The following VPS13C variants were observed in gnomAD, a reference collection of about 807,000 sequenced individuals.
VPS13C encodes intermembrane lipid transfer protein VPS13C.
Under a neutral mutation model 456.8 loss-of-function variants are expected in VPS13C, and 358 were observed. The observed-to-expected ratio is 0.78, with a 90% CI of 0.72 to 0.86. The LOEUF is 0.86. Among genes scored for constraint, VPS13C ranks in the 40% least tolerant of loss-of-function variants. VPS13C has a pLI of 0.00. For missense variants in VPS13C, 4,818 were observed against 4,385.4 expected, an observed-to-expected ratio of 1.10 and a Z score of -2.79; for synonymous variants, 1,578 against 1,486.7, an observed-to-expected ratio of 1.06 and a Z score of -1.41.
At chr15:61,996,097 G>C (rs2046376634) in intron 16 of VPS13C, among the ~76,000 whole-genome samples, 1 of 152,038 alleles carries the variant, frequency 6.6e-6, no homozygotes, top group Admixed American at 6.6e-5. Context: ...CTGGAGAAGG[G>C]GATATCTCTT....
At chr15:61,996,245 G>A (rs1053263847) in intron 16 of VPS13C, among the ~76,000 whole-genome samples, 1 of 152,136 alleles carries the variant, frequency 6.6e-6, no homozygotes, top group Non-Finnish European at 1.5e-5. Flanking sequence ...ACTAACCCCA[G>A]TAATATTCAC....
chr15:62,003,177 T>A (rs527253660), intron 15 of VPS13C, among the ~76,000 whole-genome samples: 1 of 152,136 alleles, frequency 6.6e-6, no homozygotes, highest in East Asian at 1.9e-4. Context: ...CATTTGTTTG[T>A]GTCCTCTTTT....
chr15:61,890,663 G>A (rs543611466), intron 66 of VPS13C, among the ~76,000 whole-genome samples: 1 of 152,290 alleles, frequency 6.6e-6, no homozygotes, highest in Non-Finnish European at 1.5e-5. Context: ...GCACAGAGCA[G>A]GATTCAAGAG....
At chr15:61,908,114 T>G (rs1196944602) in intron 65 of VPS13C, among the ~76,000 whole-genome samples, 1 of 152,152 alleles carries the variant, frequency 6.6e-6, no homozygotes, top group African/African-American at 2.4e-5. Context: ...TTAACAAGAC[T>G]CCCAGGAGAT....
intron 58 of VPS13C, 82 bp from the exon 59 acceptor site, chr15:61,918,339 T>C (rs1472029414): frequency 9.7e-5 from 126 of 1,298,296 alleles, no homozygotes; most frequent in Non-Finnish European, 1.2e-4. Context: ...CAAATACTTT[T>C]AGATCTAAAA....
At chr15:61,940,896 A>G in intron 46 of VPS13C, 102 bp from the exon 47 acceptor site, 1 of 1,189,108 alleles carries the variant, frequency 8.4e-7, no homozygotes. Flanking sequence ...CATAAAGGCT[A>G]AAAGCTGCTA....
intron 66 of VPS13C, among the ~76,000 whole-genome samples, chr15:61,905,047 T>C (rs555356182): frequency 6.6e-6 from 1 of 152,040 alleles, no homozygotes; most frequent in Non-Finnish European, 1.5e-5. Context: ...AGGAGTAACA[T>C]CTTGTTGTGT....
chr15:61,921,125 C>G (rs1046855316), intron 55 of VPS13C, among the ~76,000 whole-genome samples: 1 of 152,088 alleles, frequency 6.6e-6, no homozygotes, highest in Admixed American at 6.5e-5. Context: ...AGCTTCTGTT[C>G]TAGTAGTATT....
intron 1 of VPS13C, among the ~76,000 whole-genome samples, chr15:62,060,072 C>A (rs1462611157): frequency 1.3e-5 from 2 of 152,162 alleles, no homozygotes; most frequent in Non-Finnish European, 2.9e-5. Flanking sequence ...CGGGCGGGAT[C>A]CCGCCGCATC....
chr15:62,012,223 C>CACACACACACACACAA, intron 11 of VPS13C, 59 bp from the exon 12 acceptor site: 1 of 100,834 alleles, frequency 9.9e-6, no homozygotes. Context: ...CAGACTCAGA[C>CACACACACACACACAA]ACACACACAC....
chr15:61,929,749 C>T lies in VPS13C; in HGVS notation c.6039-1G>A, dbSNP rs771209979. On this transcript the variant is annotated splice_acceptor_variant, in intron 50 of 84. Coordinates refer to ENST00000644861, the MANE Select transcript of VPS13C (RefSeq NM_020821.3). LOFTEE classifies it high-confidence loss of function. Reference sequence around the variant, plus strand: ...TTGGTCATTCTTTCTGTCAATCATTCTGAAAAAAAACATGCTATTCATTAT... The same window carrying T: ...TTGGTCATTCTTTCTGTCAATCATTTTGAAAAAAAACATGCTATTCATTAT... 4 of 1,603,012 alleles carry T rather than the reference C, an allele frequency of 2.5e-6. No homozygotes were observed. In the South Asian group the frequency reaches 4.5e-5, roughly 18 times the overall value.
rs540199736 is a variant in VPS13C at position 61,984,636 on chromosome 15, A to G, written c.1721+221T>C. 3.1e-4 allele frequency among the ~76,000 whole-genome samples: 47 copies of G among 152,330 alleles called. 1 individual carries two copies. Among genetic ancestry groups the G allele is most frequent in the Admixed American group, 2.0e-3 (31 of 15,296 alleles). On this transcript the variant is annotated intron_variant, in intron 19 of 84. Transcript: ENST00000644861. ...GAGCCTATAAATTAAATACTATCCAATAAATATTCACAAAGGAAAGGAGGG... is the reference window on the plus strand; with the variant it reads ...GAGCCTATAAATTAAATACTATCCAGTAAATATTCACAAAGGAAAGGAGGG...
intron 9 of VPS13C, among the ~76,000 whole-genome samples, chr15:62,015,320 T>C (rs1296711747): frequency 6.6e-6 from 1 of 152,140 alleles, no homozygotes; most frequent in African/African-American, 2.4e-5. Flanking sequence ...TTCACTCTGA[T>C]GGTAGTTTCT....
chr15:62,013,870 C>T (rs1334106231), intron 10 of VPS13C, 63 bp downstream of exon 10: 1 of 1,272,802 alleles, frequency 7.9e-7, no homozygotes, highest in African/African-American at 1.5e-5. Flanking sequence ...ATCAATGTTT[C>T]TTCAAGAAAA....
intron 65 of VPS13C, 77 bp downstream of exon 65, chr15:61,908,915 A>C (rs1383459210): frequency 1.3e-6 from 2 of 1,524,792 alleles, no homozygotes; most frequent in East Asian, 2.3e-5. Context: ...AAACATTTTG[A>C]ATATGAAACC....
chr15:61,873,943 G>T (rs1895220368), intron 77 of VPS13C, among the ~76,000 whole-genome samples: 1 of 144,154 alleles, frequency 6.9e-6, no homozygotes, highest in African/African-American at 2.5e-5. Context: ...CGGATGAATG[G>T]ATAAAGAAAA....
chr15:61,876,985 A>C lies in VPS13C; in HGVS notation c.10212T>G (p.His3404Gln). The C allele has an allele frequency of 6.2e-7, 1 of 1,606,340 alleles. No homozygotes were observed. Reference protein sequence around the residue: ...RDQLIWSVVRHYSEQFLKQMY... With the variant: ...RDQLIWSVVRQYSEQFLKQMY... ...GATAGGAAATTACCTGTTCACTGTA[A>C]TGCCTAACAACACTCCATATAAGCT... The change falls in exon 75 of 85, where the codon CAT becomes CAG. Residue 3404 changes from histidine (H) to glutamine (Q), a missense_variant. Physicochemically the swap from His to Gln is conservative, Grantham distance 24. Coordinates refer to ENST00000644861, the MANE Select transcript of VPS13C (RefSeq NM_020821.3).
In VPS13C at chr15:61,978,338, T is replaced by C. The variant is rs1367848656; in HGVS notation, c.2290+288A>G. On this transcript the variant is annotated intron_variant, in intron 23 of 84. Transcript: ENST00000644861. Reference sequence around the variant, plus strand: ...ACATGAATCCACTGCAACTTCCATTTTGTGTTCTAAGCAGTTTTATAGTCA... The same window carrying C: ...ACATGAATCCACTGCAACTTCCATTCTGTGTTCTAAGCAGTTTTATAGTCA... Among the ~76,000 whole-genome samples, 3 of 152,114 alleles carry C rather than the reference T, an allele frequency of 2.0e-5. No homozygotes were observed. The East Asian group carries it at 5.8e-4, about 29-fold the overall frequency.
chr15:61,950,519 G>C, intron 40 of VPS13C, 102 bp from the exon 41 acceptor site: 1 of 786,070 alleles, frequency 1.3e-6, no homozygotes, highest in Non-Finnish European at 1.9e-6. Flanking sequence ...TATTAAAAGA[G>C]TAAAAAGATA....
Sources: gnomAD v4.1 joint callset for allele counts (sites outside exome capture counted in the v4.1 genomes callset) on GRCh38, gnomAD v4.1.1 for gene constraint, MANE v1.5 for transcripts, NCBI Gene and HGNC (gene_info 2026-07-23, HGNC 2026-07-21) for gene names.